Variants in DPYSL2 observed in about 807,000 individuals in gnomAD.
DPYSL2 encodes the protein dihydropyrimidinase like 2.
DPYSL2 carries 13 observed loss-of-function variants against 69.9 expected under a neutral mutation model. The ratio of observed to expected loss-of-function variants is 0.19; its 90% CI spans 0.12 to 0.30. DPYSL2 has a LOEUF of 0.30. Among genes scored for constraint, DPYSL2 ranks in the 10% least tolerant of loss-of-function variants. DPYSL2 has a pLI of 1.00. For missense variants in DPYSL2, 587 were observed against 918.9 expected (o/e 0.64, Z 4.67); for synonymous variants, 326 against 359.1 (o/e 0.91, Z 1.04).
intron 1 of DPYSL2, among the ~76,000 whole-genome samples, chr8:26,558,573 A>G (rs1801025392): frequency 6.6e-6 from 1 of 152,224 alleles, no homozygotes; most frequent in Admixed American, 6.5e-5. Flanking sequence ...GTGAGCCCTA[A>G]TGTAAACTGT....
At chr8:26,578,538 C>T in intron 1 of DPYSL2, 1 of 1,401,524 alleles carries the variant, frequency 7.1e-7, no homozygotes, top group South Asian at 1.6e-5. Context: ...CCTTAGGTAA[C>T]GCGCCAGACC....
At chr8:26,559,589 T>C (rs1234627332) in intron 1 of DPYSL2, among the ~76,000 whole-genome samples, 1 of 152,224 alleles carries the variant, frequency 6.6e-6, no homozygotes, top group Non-Finnish European at 1.5e-5. Flanking sequence ...TTTCTTTTTT[T>C]ATGAGTGGCT....
chr8:26,595,018 C>G (rs12549410), intron 3 of DPYSL2, among the ~76,000 whole-genome samples: 7,593 of 144,984 alleles, frequency 0.052, 284 homozygotes, highest in South Asian at 0.16. Context: ...AGCCTTGTCT[C>G]TACCAAAATC....
rs569882399 is a variant in DPYSL2 at position 26,647,455 on chromosome 8, A to G, written c.1426-175A>G. ...ACCATTTTGTTATTTGGAGAATGTT[A>G]TAGAAATGGAGTCATACAGTGTGTG... On this transcript the variant is annotated intron_variant, in intron 10 of 13. Transcript: ENST00000521913. The surrounding 1 kb of genome is among the most constrained non-coding windows in gnomAD (Gnocchi z 5.1). Among the ~76,000 whole-genome samples the G allele has an allele frequency of 1.3e-5, 2 of 152,296 alleles. No individual in the cohort carries two copies. Among genetic ancestry groups the G allele is most frequent in the South Asian group, 4.1e-4 (2 of 4,826 alleles).
At chr8:26,549,759 GTGAAAGATTTCGTGC>G (rs1158802287) in intron 1 of DPYSL2, among the ~76,000 whole-genome samples, 3 of 152,156 alleles carry the variant, frequency 2.0e-5, no homozygotes, top group Admixed American at 1.3e-4. Context: ...AGAGAGTGAA[GTGAAAGATTTCGTGC>G]TGAAAGAACA....
At chr8:26,618,448 G>A (rs994325531) in intron 3 of DPYSL2, among the ~76,000 whole-genome samples, 6 of 150,278 alleles carry the variant, frequency 4.0e-5, no homozygotes, top group African/African-American at 1.2e-4. Flanking sequence ...GAGTAGCTGC[G>A]ACTACAGGCA....
chr8:26,569,904 G>A (rs1404580754), intron 1 of DPYSL2, among the ~76,000 whole-genome samples: 1 of 152,132 alleles, frequency 6.6e-6, no homozygotes. Context: ...AAGCTGGAAA[G>A]GAATAGAAGG....
At chr8:26,525,859 T>C (rs1013564689) in intron 1 of DPYSL2, among the ~76,000 whole-genome samples, 2 of 152,228 alleles carry the variant, frequency 1.3e-5, no homozygotes, top group Admixed American at 6.5e-5. Flanking sequence ...AAACCTGATA[T>C]GATTTTTTAA....
At chr8:26,630,715 G>T (rs1802752225) in intron 7 of DPYSL2, among the ~76,000 whole-genome samples, 1 of 152,138 alleles carries the variant, frequency 6.6e-6, no homozygotes, top group African/African-American at 2.4e-5. Context: ...TGGGCTCCTT[G>T]GTTATCTCTC....
In DPYSL2 at chr8:26,624,582, G is replaced by A. The variant is rs1270801839; in HGVS notation, c.793+275G>A. The stretch of plus-strand genomic sequence containing the variant: ...GGTGACAGCTGCTCACAGCTTATTG[G>A]TTTGTGAGCACCGTGCTCTCTAGCC... On this transcript the variant is annotated intron_variant, in intron 4 of 13. Transcript: ENST00000521913. The surrounding 1 kb of genome is among the most constrained non-coding windows in gnomAD (Gnocchi z 4.7). Among the ~76,000 whole-genome samples the A allele has an allele frequency of 6.6e-6, 1 of 152,156 alleles. No individual in the cohort carries two copies. The highest frequency in any genetic ancestry group is 1.5e-5 in the Non-Finnish European group (1 of 68,044).
intron 8 of DPYSL2, among the ~76,000 whole-genome samples, chr8:26,635,272 C>T (rs1802884846): frequency 6.6e-6 from 1 of 152,224 alleles, no homozygotes; most frequent in African/African-American, 2.4e-5. Context: ...CACCTCCCCT[C>T]CAAGGCTGGG....
intron 3 of DPYSL2, among the ~76,000 whole-genome samples, chr8:26,595,625 T>C (rs1485534316): frequency 1.3e-5 from 2 of 152,248 alleles, no homozygotes; most frequent in African/African-American, 4.8e-5. Flanking sequence ...TTGCTGAGCT[T>C]CCAGGCAGGG....
At chr8:26,583,335 T>TC (rs917647103) in intron 2 of DPYSL2, among the ~76,000 whole-genome samples, 1 of 152,140 alleles carries the variant, frequency 6.6e-6, no homozygotes, top group African/African-American at 2.4e-5. Flanking sequence ...TTCACTTTTT[T>TC]TTTTTTTTTG....
At chr8:26,628,078 C>T (rs1802660908) in intron 7 of DPYSL2, 138 bp downstream of exon 7, 1 of 832,476 alleles carries the variant, frequency 1.2e-6, no homozygotes, top group Non-Finnish European at 1.9e-6. Context: ...CTGTGGGTCA[C>T]GTGTGTGTCT....
At chr8:26,566,014 G>C (rs1585512498) in intron 1 of DPYSL2, among the ~76,000 whole-genome samples, 1 of 152,340 alleles carries the variant, frequency 6.6e-6, no homozygotes, top group South Asian at 2.1e-4. Flanking sequence ...TGTCCTAGAA[G>C]AAGAGGAGAG....
In DPYSL2 at chr8:26,593,710, A is replaced by G. The variant is rs888780094; in HGVS notation, c.628+9727A>G. ...CTTGGAGTAAGTGGTGATGAGCAAG[A>G]GCAGGGCTGGCTGGTGGGACAGGGT... On this transcript the variant is annotated intron_variant, in intron 3 of 13. Coordinates refer to ENST00000521913, the MANE Select transcript of DPYSL2 (RefSeq NM_001197293.3). This position sits in a 1 kb window ranked among gnomAD's most constrained non-coding sequence, Gnocchi z 5.7. Among the ~76,000 whole-genome samples the G allele has an allele frequency of 3.3e-5, 5 of 152,152 alleles. No individual in the cohort carries two copies. The highest frequency in any genetic ancestry group is 1.2e-4 in the African/African-American group (5 of 41,444).
Position 26,514,705 on chromosome 8 carries a change from A to ATC in DPYSL2, c.354+26_354+27insTC. On this transcript the variant is annotated intron_variant, in intron 1 of 13. Transcript: ENST00000521913. This position sits in a 1 kb window ranked among gnomAD's most constrained non-coding sequence, Gnocchi z 8.4. Reference sequence around the variant, plus strand: ...GTCGGTGTGGGGGTTGGGGGTGGAGACGGAGGACGGGGCGCGGGGATCGCC... The same window carrying ATC: ...GTCGGTGTGGGGGTTGGGGGTGGAGATCCGGAGGACGGGGCGCGGGGATCGCC... The ATC allele has an allele frequency of 1.5e-6, 1 of 662,080 alleles. No homozygotes were observed. Among genetic ancestry groups the ATC allele is most frequent in the Non-Finnish European group, 2.1e-6 (1 of 467,076 alleles). The allele number at this position is 662,080 out of a possible 1,614,324, so 41.0% of individuals were successfully genotyped here.
intron 1 of DPYSL2, among the ~76,000 whole-genome samples, chr8:26,576,614 C>T (rs1347788606): frequency 6.6e-6 from 1 of 152,218 alleles, no homozygotes; most frequent in African/African-American, 2.4e-5. Flanking sequence ...GGGTCCCAGG[C>T]CTGCTCAATT....
chr8:26,655,838 C>A lies in DPYSL2; in HGVS notation c.*132C>A. On this transcript the variant is annotated 3_prime_UTR_variant, in exon 14 of 14. Transcript: ENST00000521913. Reference sequence around the variant, plus strand: ...GCCTGTGATAGTTACTGTGGAGCAGCCAGTTCATGGGGTCCCCCTTGGGGC... The same window carrying A: ...GCCTGTGATAGTTACTGTGGAGCAGACAGTTCATGGGGTCCCCCTTGGGGC... 1.1e-6 allele frequency: 1 copy of A among 900,618 alleles called. No individual in the cohort carries two copies. The highest frequency in any genetic ancestry group is 1.6e-6 in the Non-Finnish European group (1 of 638,484). The allele number at this position is 900,618 out of a possible 1,614,324, so 55.8% of individuals were successfully genotyped here.
Sources: allele counts gnomAD v4.1 joint callset (sites outside exome capture counted in the v4.1 genomes callset), GRCh38; gene constraint gnomAD v4.1.1; non-coding constraint Gnocchi (gnomAD v3.1); transcripts MANE v1.5; gene names NCBI Gene and HGNC (gene_info 2026-07-23, HGNC 2026-07-21).